ZNF804B: variants seen among roughly 807,000 people sequenced by gnomAD.
ZNF804B encodes zinc finger 804B.
Under a neutral mutation model 101.4 loss-of-function variants are expected in ZNF804B, and 80 were observed. That is an observed-to-expected ratio of 0.79 (90% CI 0.66 to 0.95). The LOEUF (loss-of-function observed/expected upper bound fraction) is 0.95, where lower values mean the gene tolerates loss of function less well. Ranked by LOEUF, ZNF804B falls within the 40% of genes least tolerant of loss-of-function variation. The pLI is 0.00. For synonymous variants in ZNF804B, 622 were observed against 558.8 expected (o/e 1.11, Z -1.59); for missense variants, 1,673 against 1,561.9 (o/e 1.07, Z -1.20).
chr7:89,022,530 G>A (rs1480056723), intron 1 of ZNF804B, among the ~76,000 whole-genome samples: 2 of 152,204 alleles, frequency 1.3e-5, no homozygotes, highest in East Asian at 1.9e-4. Flanking sequence ...TTATGAAAAT[G>A]TGATTTAAGT....
intron 2 of ZNF804B, among the ~76,000 whole-genome samples, chr7:89,325,719 T>A (rs1790886515): frequency 6.6e-6 from 1 of 151,956 alleles, no homozygotes; most frequent in South Asian, 2.1e-4. Flanking sequence ...ATTATACAAG[T>A]TTTGTGTGCT....
chr7:88,827,799 ACTC>A (rs1194606533), intron 1 of ZNF804B, among the ~76,000 whole-genome samples: 13 of 151,842 alleles, frequency 8.6e-5, no homozygotes, highest in African/African-American at 3.1e-4. Flanking sequence ...ACCATTCTGA[ACTC>A]CTTTCTTTCT....
At chr7:89,208,960 T>C (rs888052940) in intron 1 of ZNF804B, among the ~76,000 whole-genome samples, 4 of 152,104 alleles carry the variant, frequency 2.6e-5, no homozygotes, top group Non-Finnish European at 4.4e-5. Context: ...TGCAGTGAGC[T>C]GAGATCGCGC....
chr7:88,883,612 C>T (rs1345574465), intron 1 of ZNF804B, among the ~76,000 whole-genome samples: 2 of 152,134 alleles, frequency 1.3e-5, no homozygotes, highest in African/African-American at 4.8e-5. Context: ...TAGCAGTTCT[C>T]CTCAACTTCA....
In ZNF804B at chr7:88,880,050, GA is replaced by G. The variant is rs35762260; in HGVS notation, c.108+119977del. 2.4e-3 allele frequency among the ~76,000 whole-genome samples: 342 copies of G among 145,124 alleles called. 2 individuals carry two copies. The highest frequency in any genetic ancestry group is 7.9e-3 in the African/African-American group (319 of 40,308). ...TACACAGCGAGACTGTCTTAAAAAA[GA>G]AAAAAAAAAACCACTTATCTGGGGA... On this transcript the variant is annotated intron_variant, in intron 1 of 3. Coordinates refer to ENST00000333190, the MANE Select transcript of ZNF804B (RefSeq NM_181646.5).
intron 2 of ZNF804B, among the ~76,000 whole-genome samples, chr7:89,268,376 CAT>C: frequency 6.6e-6 from 1 of 152,184 alleles, no homozygotes; most frequent in East Asian, 1.9e-4. Context: ...TCCTCTTTCT[CAT>C]GTGTACATTC....
At chr7:88,797,262 A>G (rs1790500675) in intron 1 of ZNF804B, among the ~76,000 whole-genome samples, 1 of 152,056 alleles carries the variant, frequency 6.6e-6, no homozygotes, top group South Asian at 2.1e-4. Flanking sequence ...TTCTTGATTT[A>G]CACTACCTCT....
intron 2 of ZNF804B, 59 bp from the exon 3 acceptor site, chr7:89,327,285 G>A (rs1348079347): frequency 1.4e-6 from 2 of 1,478,152 alleles, no homozygotes; most frequent in East Asian, 4.8e-5. Flanking sequence ...GAGCCTTGTG[G>A]ATGGAAAAGA....
At chr7:89,174,201 C>A (rs537619748) in intron 1 of ZNF804B, among the ~76,000 whole-genome samples, 21 of 151,882 alleles carry the variant, frequency 1.4e-4, no homozygotes, top group Non-Finnish European at 2.7e-4. Flanking sequence ...TAACTATATA[C>A]TTTTCTGCCC....
intron 1 of ZNF804B, among the ~76,000 whole-genome samples, chr7:88,967,813 A>G (rs1250675714): frequency 6.6e-6 from 1 of 151,388 alleles, no homozygotes; most frequent in African/African-American, 2.4e-5. Flanking sequence ...TCCTCATCCA[A>G]AATTGTTCCT....
chr7:89,304,537 G>T (rs1790532067), intron 2 of ZNF804B, among the ~76,000 whole-genome samples: 1 of 151,696 alleles, frequency 6.6e-6, no homozygotes, highest in African/African-American at 2.4e-5. Context: ...GTATGTGTGT[G>T]TGTGTATGTG....
chr7:88,820,517 TC>T (rs1790960407), intron 1 of ZNF804B, among the ~76,000 whole-genome samples: 1 of 152,164 alleles, frequency 6.6e-6, no homozygotes, highest in African/African-American at 2.4e-5. Context: ...CTCTGTCTGA[TC>T]CTTTCCATGG....
chr7:88,866,472 T>G (rs1277517515), intron 1 of ZNF804B, among the ~76,000 whole-genome samples: 1 of 152,220 alleles, frequency 6.6e-6, no homozygotes, highest in Non-Finnish European at 1.5e-5. Context: ...ATATGAGTAG[T>G]GTATCTTCCC....
chr7:89,012,021 G>A (rs191821184), intron 1 of ZNF804B, among the ~76,000 whole-genome samples: 17 of 152,176 alleles, frequency 1.1e-4, no homozygotes, highest in African/African-American at 2.2e-4. Flanking sequence ...AAGCATTTCC[G>A]TACATCCTCT....
chr7:89,276,106 G>A (rs1584098518), intron 2 of ZNF804B, among the ~76,000 whole-genome samples: 1 of 151,774 alleles, frequency 6.6e-6, no homozygotes, highest in Non-Finnish European at 1.5e-5. Context: ...TGTATAAGTG[G>A]GAGATGAAAA....
At chr7:89,035,141 A>C (rs1188686752) in intron 1 of ZNF804B, among the ~76,000 whole-genome samples, 1 of 152,270 alleles carries the variant, frequency 6.6e-6, no homozygotes, top group East Asian at 1.9e-4. Context: ...ATTTTCAATA[A>C]GTGTTCTAAA....
At chr7:89,029,568 A>G (rs1788801171) in intron 1 of ZNF804B, among the ~76,000 whole-genome samples, 1 of 152,192 alleles carries the variant, frequency 6.6e-6, no homozygotes, top group Admixed American at 6.6e-5. Flanking sequence ...TAAAATCAAT[A>G]TAACTGTACT....
intron 1 of ZNF804B, among the ~76,000 whole-genome samples, chr7:89,142,636 C>T (rs1176216676): frequency 6.6e-6 from 1 of 152,000 alleles, no homozygotes; most frequent in African/African-American, 2.4e-5. Context: ...AAAAGCTCTA[C>T]TGTTGCCTGT....
At chr7:89,228,330 A>C (rs10250104) in intron 2 of ZNF804B, among the ~76,000 whole-genome samples, 4 of 151,920 alleles carry the variant, frequency 2.6e-5, no homozygotes, top group African/African-American at 4.8e-5. Context: ...CTGCTGGCTC[A>C]GGCAGCCTGC....
Sources: allele counts gnomAD v4.1 joint callset (sites outside exome capture counted in the v4.1 genomes callset), GRCh38; gene constraint gnomAD v4.1.1; transcripts MANE v1.5; gene names NCBI Gene and HGNC (gene_info 2026-07-23, HGNC 2026-07-21).